NELL1: variants seen among roughly 807,000 people sequenced by gnomAD.
The protein encoded by NELL1 is protein kinase C-binding protein NELL1.
Under a neutral mutation model 107.4 loss-of-function variants are expected in NELL1, and 76 were observed. The ratio of observed to expected loss-of-function variants is 0.71; its 90% CI spans 0.59 to 0.86. The LOEUF is 0.86. Among genes scored for constraint, NELL1 ranks in the 40% least tolerant of loss-of-function variants. The pLI, the probability that NELL1 is intolerant of heterozygous loss-of-function variation, is 0.00. For missense variants in NELL1, 1,024 were observed against 1,005.5 expected (o/e 1.02, Z -0.25); for synonymous variants, 353 against 341.2 (o/e 1.03, Z -0.38).
At position 21,562,700 on chromosome 11, in the gene NELL1, T is replaced by C. The variant is rs555362018; in HGVS notation, c.1980+2318T>C. On this transcript the variant is annotated intron_variant, in intron 17 of 19. Transcript: ENST00000357134. ...TCATCTTGGAAGCTAAGTAATAAAA[T>C]CAAGGTTGGGATATAAAGTACTATC... Among the ~76,000 whole-genome samples, 9 of 152,194 alleles carry C rather than the reference T, an allele frequency of 5.9e-5. No homozygotes were observed. In the East Asian group the frequency reaches 1.8e-3, roughly 30 times the overall value.
At chr11:20,898,995 A>T (rs796913847) in intron 5 of NELL1, among the ~76,000 whole-genome samples, 1 of 152,126 alleles carries the variant, frequency 6.6e-6, no homozygotes, top group East Asian at 1.9e-4. Context: ...TTTACTAAAC[A>T]TATATGCATA....
At chr11:21,302,919 G>T (rs1298217185) in intron 14 of NELL1, among the ~76,000 whole-genome samples, 1 of 151,680 alleles carries the variant, frequency 6.6e-6, no homozygotes, top group East Asian at 2.0e-4. Context: ...AAAATAGCTT[G>T]GCATGGCAGC....
chr11:20,787,473 G>A (rs1490725182), intron 3 of NELL1, among the ~76,000 whole-genome samples: 1 of 152,178 alleles, frequency 6.6e-6, no homozygotes, highest in Admixed American at 6.5e-5. Context: ...AGTATCTAGA[G>A]GAGCAAATTA....
At chr11:20,784,657 A>T (rs1168893010) in intron 3 of NELL1, among the ~76,000 whole-genome samples, 3 of 152,218 alleles carry the variant, frequency 2.0e-5, no homozygotes, top group Non-Finnish European at 4.4e-5. Flanking sequence ...TTTAAGAAAG[A>T]TCACTCAATC....
chr11:20,748,188 G>T (rs778691299), intron 2 of NELL1, among the ~76,000 whole-genome samples: 1 of 152,062 alleles, frequency 6.6e-6, no homozygotes, highest in African/African-American at 2.4e-5. Flanking sequence ...ACCTAGGATA[G>T]ACCACCTAAG....
chr11:21,512,865 C>A (rs530337435), intron 15 of NELL1, among the ~76,000 whole-genome samples: 5 of 152,078 alleles, frequency 3.3e-5, no homozygotes, highest in Admixed American at 3.3e-4. Context: ...GTTGACATTC[C>A]ACCTAACCGA....
intron 5 of NELL1, among the ~76,000 whole-genome samples, chr11:20,891,213 T>C (rs960044853): frequency 6.6e-6 from 1 of 152,170 alleles, no homozygotes; most frequent in African/African-American, 2.4e-5. Flanking sequence ...ATATTCAACA[T>C]TCTTAAAGAA....
intron 15 of NELL1, among the ~76,000 whole-genome samples, chr11:21,487,421 C>A (rs547883458): frequency 3.3e-5 from 5 of 152,150 alleles, no homozygotes; most frequent in South Asian, 2.1e-4. Context: ...GAATTTATCA[C>A]CACAAGATGA....
chr11:21,020,566 A>G (rs1014538255), intron 12 of NELL1, among the ~76,000 whole-genome samples: 1 of 151,986 alleles, frequency 6.6e-6, no homozygotes, highest in Non-Finnish European at 1.5e-5. Flanking sequence ...GGAAAAGTTG[A>G]AAGTAGAAAC....
chr11:20,990,117 G>T (rs114478871), intron 12 of NELL1, among the ~76,000 whole-genome samples: 1 of 152,130 alleles, frequency 6.6e-6, no homozygotes, highest in Non-Finnish European at 1.5e-5. Flanking sequence ...CTTGCAATAT[G>T]GGGGGAGTAC....
chr11:21,018,974 G>T (rs1852634657), intron 12 of NELL1, among the ~76,000 whole-genome samples: 1 of 152,062 alleles, frequency 6.6e-6, no homozygotes, highest in East Asian at 1.9e-4. Flanking sequence ...TCATCAGATT[G>T]CAGTTGGGAA....
chr11:20,831,207 G>A (rs1858001713), intron 3 of NELL1, among the ~76,000 whole-genome samples: 1 of 151,988 alleles, frequency 6.6e-6, no homozygotes, highest in South Asian at 2.1e-4. Flanking sequence ...CTTAACAATC[G>A]TACTCATCTT....
chr11:21,232,159 A>AAAAATATATATAT (rs1554985116), intron 14 of NELL1, among the ~76,000 whole-genome samples: 13 of 73,188 alleles, frequency 1.8e-4, no homozygotes, highest in Non-Finnish European at 3.1e-4. Context: ...AAAAAAAAAA[A>AAAAATATATATAT]ATATATATAT....
At chr11:20,995,013 A>G (rs1464906873) in intron 12 of NELL1, among the ~76,000 whole-genome samples, 1 of 152,154 alleles carries the variant, frequency 6.6e-6, no homozygotes, top group African/African-American at 2.4e-5. Context: ...AACAGGAGAG[A>G]TACCCTGGTG....
chr11:20,763,971 A>C (rs327036), intron 2 of NELL1, among the ~76,000 whole-genome samples: 40,130 of 152,206 alleles, frequency 0.26, 6,398 homozygotes, highest in African/African-American at 0.45. Flanking sequence ...TAATGCAGCC[A>C]ACTGGCAACA....
At chr11:20,726,321 A>C (rs187123811) in intron 2 of NELL1, among the ~76,000 whole-genome samples, 3 of 152,362 alleles carry the variant, frequency 2.0e-5, no homozygotes, top group African/African-American at 7.2e-5. Context: ...AGACATAATC[A>C]TAAAGAAATG....
At chr11:21,112,917 G>A (rs1361651457) in intron 12 of NELL1, among the ~76,000 whole-genome samples, 1 of 152,040 alleles carries the variant, frequency 6.6e-6, no homozygotes, top group East Asian at 1.9e-4. Context: ...GCTTAAGGTT[G>A]TAGGTTATTT....
intron 12 of NELL1, among the ~76,000 whole-genome samples, chr11:21,004,030 T>C (rs1852278797): frequency 6.6e-6 from 1 of 152,190 alleles, no homozygotes; most frequent in African/African-American, 2.4e-5. Flanking sequence ...CTTCTCTGCC[T>C]GGGAAACTTT....
At chr11:21,084,469 T>A (rs1358030216) in intron 12 of NELL1, among the ~76,000 whole-genome samples, 1 of 152,212 alleles carries the variant, frequency 6.6e-6, no homozygotes, top group East Asian at 1.9e-4. Context: ...TTAACTCTTA[T>A]AGTGATCGCT....
Sources: gnomAD v4.1 joint callset for allele counts (sites outside exome capture counted in the v4.1 genomes callset) on GRCh38, gnomAD v4.1.1 for gene constraint, MANE v1.5 for transcripts, NCBI Gene and HGNC (gene_info 2026-07-23, HGNC 2026-07-21) for gene names.